The following SBF2 variants were observed in gnomAD, a reference collection of about 807,000 sequenced individuals.
SBF2 encodes the protein SET binding factor 2.
Under a neutral mutation model 225.2 loss-of-function variants are expected in SBF2, and 112 were observed. The observed-to-expected ratio is 0.50, with a 90% confidence interval of 0.43 to 0.58. The LOEUF is 0.58. Among genes scored for constraint, SBF2 ranks in the 20% least tolerant of loss-of-function variants. SBF2 has a pLI of 0.00. For missense variants in SBF2, 1,996 were observed against 2,206.2 expected (o/e 0.90, Z 1.91); for synonymous variants, 763 against 773.3 (o/e 0.99, Z 0.22).
At chr11:9,889,445 T>C (rs986927103) in intron 17 of SBF2, among the ~76,000 whole-genome samples, 6 of 152,274 alleles carry the variant, frequency 3.9e-5, no homozygotes, top group African/African-American at 1.4e-4. Flanking sequence ...TAAGCCAAAG[T>C]TAAAATTCAG....
At chr11:9,904,878 T>C (rs1294544658) in intron 16 of SBF2, among the ~76,000 whole-genome samples, 1 of 152,054 alleles carries the variant, frequency 6.6e-6, no homozygotes, top group Non-Finnish European at 1.5e-5. Context: ...AAAAATTAGT[T>C]GGGTGTGGTG....
intron 17 of SBF2, among the ~76,000 whole-genome samples, chr11:9,887,864 G>A (rs1472362074): frequency 1.3e-5 from 2 of 150,774 alleles, no homozygotes; most frequent in African/African-American, 4.9e-5. Flanking sequence ...TAGGAAATGC[G>A]ATGTATCCAG....
At chr11:9,923,765 C>CT (rs1251657992) in intron 16 of SBF2, among the ~76,000 whole-genome samples, 1 of 151,694 alleles carries the variant, frequency 6.6e-6, no homozygotes, top group Non-Finnish European at 1.5e-5. Flanking sequence ...TTTCTTTACC[C>CT]TTTTAAAAAA....
At chr11:10,031,283 A>C in intron 3 of SBF2, 113 bp from the exon 4 acceptor site, 1 of 1,012,882 alleles carries the variant, frequency 9.9e-7, no homozygotes, top group Non-Finnish European at 1.4e-6. Flanking sequence ...ATTAATTATA[A>C]TATAATTTTA....
intron 16 of SBF2, among the ~76,000 whole-genome samples, chr11:9,896,583 G>A (rs1170291252): frequency 1.3e-5 from 2 of 152,182 alleles, no homozygotes; most frequent in African/African-American, 4.8e-5. Flanking sequence ...CCTGAGGTCA[G>A]GAGTTCGAGA....
rs570306094 is a variant in SBF2, at chr11:10,022,780, C to T, written c.619+5672G>A. On this transcript the variant is annotated intron_variant, in intron 6 of 39. Coordinates refer to ENST00000256190, the MANE Select transcript of SBF2 (RefSeq NM_030962.4). ...ATGTCTTTTAAATCTCTTTCAATCT[C>T]GAGGTTGAGGAACCTCTAGATTGTT... is the stretch of plus-strand genomic sequence containing the variant. Among the ~76,000 whole-genome samples, 5 of 152,232 alleles carry T rather than the reference C, an allele frequency of 3.3e-5. No individual in the cohort carries two copies. In the South Asian group the frequency reaches 1.0e-3, roughly 32 times the overall value.
intron 2 of SBF2, among the ~76,000 whole-genome samples, chr11:10,112,997 G>A (rs1326858535): frequency 6.6e-6 from 1 of 151,930 alleles, no homozygotes; most frequent in African/African-American, 2.4e-5. Flanking sequence ...TATTTTATTT[G>A]TTGTTGTTGT....
chr11:10,143,406 A>G (rs1954742848), intron 2 of SBF2, among the ~76,000 whole-genome samples: 1 of 152,116 alleles, frequency 6.6e-6, no homozygotes, highest in African/African-American at 2.4e-5. Flanking sequence ...TCCTGACCTC[A>G]GGTGATCCGC....
chr11:10,245,786 T>C (rs979628937), intron 1 of SBF2, among the ~76,000 whole-genome samples: 2 of 152,214 alleles, frequency 1.3e-5, no homozygotes, highest in South Asian at 2.1e-4. Context: ...AAATGTGGGA[T>C]ATAAATACAA....
intron 2 of SBF2, among the ~76,000 whole-genome samples, chr11:10,147,299 CA>C: frequency 6.6e-6 from 1 of 152,188 alleles, no homozygotes; most frequent in East Asian, 1.9e-4. Flanking sequence ...TTCACAATAG[CA>C]AAGAGATGAA....
intron 2 of SBF2, among the ~76,000 whole-genome samples, chr11:10,166,961 C>CCACA (rs373552790): frequency 0.02 from 2,480 of 125,944 alleles, 28 homozygotes; most frequent in African/African-American, 0.024. Context: ...GACTCTGTCT[C>CCACA]CACACACACA....
At chr11:10,205,064 G>T (rs1011931896) in intron 1 of SBF2, among the ~76,000 whole-genome samples, 1 of 151,808 alleles carries the variant, frequency 6.6e-6, no homozygotes. Flanking sequence ...ATGCTTGTGG[G>T]GTTTAATATG....
intron 27 of SBF2, among the ~76,000 whole-genome samples, chr11:9,830,861 G>C (rs1430847217): frequency 1.3e-5 from 2 of 151,462 alleles, no homozygotes; most frequent in African/African-American, 4.9e-5. Flanking sequence ...ATTTAAATTA[G>C]ATTTAAAAAA....
chr11:10,297,019 A>G (rs1233376561), upstream of SBF2, among the ~76,000 whole-genome samples: 1 of 152,138 alleles, frequency 6.6e-6, no homozygotes, highest in Non-Finnish European at 1.5e-5. Context: ...AGAAATGTCT[A>G]TTCAAGTCCT....
rs1350879880 is a variant in SBF2, at chr11:10,302,967, T to C, written n.386+1525A>G. ...GGAGAAATGAAAGTAAAACCTGTCC[T>C]GGCGCGGAACCAAGTGGAAGCTGGC... is the stretch of plus-strand genomic sequence containing the variant. On this transcript the variant is annotated intron_variant and non_coding_transcript_variant, in intron 1 of 5. Coordinates refer to the SBF2 transcript ENST00000685217. The C allele has an allele frequency of 2.6e-5, 4 of 152,230 alleles. No individual in the cohort carries two copies. In the East Asian group the frequency reaches 7.7e-4, roughly 29 times the overall value. The allele number at this position is 152,230 out of a possible 1,614,324, so 9.4% of individuals were successfully genotyped here.
intron 1 of SBF2, among the ~76,000 whole-genome samples, chr11:10,221,630 T>C (rs1565369590): frequency 6.6e-6 from 1 of 152,198 alleles, no homozygotes; most frequent in African/African-American, 2.4e-5. Context: ...AAGCACCTAC[T>C]AGATTAACGT....
chr11:10,071,510 C>T (rs1455357246), intron 2 of SBF2, among the ~76,000 whole-genome samples: 1 of 152,142 alleles, frequency 6.6e-6, no homozygotes, highest in Non-Finnish European at 1.5e-5. Flanking sequence ...TCGTGATCCA[C>T]CTGCCTCGGC....
chr11:9,964,191 G>A lies in SBF2; in HGVS notation c.1601-309C>T, dbSNP rs187222593. On this transcript the variant is annotated intron_variant, in intron 14 of 39. Transcript: ENST00000256190. ...TTGAGCCCAGGAGTCCAAGTCTGCG[G>A]TGAGCTAGGACAGCACTACTGAACT... 2.1e-3 allele frequency among the ~76,000 whole-genome samples: 321 copies of A among 152,334 alleles called. 2 individuals carry two copies. The highest frequency in any genetic ancestry group is 2.5e-3 in the Non-Finnish European group (170 of 68,034).
In SBF2 at chr11:9,787,699, C is replaced by T; in HGVS notation, c.4972G>A (p.Glu1658Lys). Residue 1658 changes from glutamate to lysine, a missense_variant, in exon 36 of 40, where the codon GAG (glutamate) becomes AAG (lysine). Glu to Lys is a moderately conservative substitution (Grantham distance 56). Transcript: ENST00000256190. ...CTTTCCCACAGCTGCTGCCACTTCT[C>T]AGGGGCTTGGTTCAATTTGTGCTCC... ...KLEHKLNQAP[E>K]KWQQLWERVT... 1 of 1,614,182 alleles carries T rather than the reference C, an allele frequency of 6.2e-7. No homozygotes were observed. Among genetic ancestry groups the T allele is most frequent in the South Asian group, 1.1e-5 (1 of 91,074 alleles).
Sources: allele counts gnomAD v4.1 joint callset (sites outside exome capture counted in the v4.1 genomes callset), GRCh38; gene constraint gnomAD v4.1.1; transcripts MANE v1.5; gene names NCBI Gene and HGNC (gene_info 2026-07-23, HGNC 2026-07-21).